ATXN10: variants seen among roughly 807,000 people sequenced by gnomAD.
The protein encoded by ATXN10 is ataxin 10.
In ATXN10, 28 loss-of-function variants were observed where a neutral mutation model predicts 52.9. The ratio of observed to expected loss-of-function variants is 0.53; its 90% CI spans 0.39 to 0.73. ATXN10 has a LOEUF of 0.73. Ranked by LOEUF, ATXN10 falls within the 30% of genes least tolerant of loss-of-function variation. ATXN10 has a pLI of 0.00. For missense variants in ATXN10, 565 were observed against 577.0 expected (o/e 0.98, Z 0.21); for synonymous variants, 226 against 221.5 (o/e 1.02, Z -0.18).
chr22:45,782,090 A>G (rs1290832219), intron 9 of ATXN10, among the ~76,000 whole-genome samples: 1 of 152,216 alleles, frequency 6.6e-6, no homozygotes, highest in African/African-American at 2.4e-5. Context: ...TTTCCTTGGT[A>G]TAGCTTTTGA....
rs957277745 is a variant in ATXN10 at position 45,700,223 on chromosome 22, C to T, written c.392-59C>T. 7 of 1,138,284 alleles carry T rather than the reference C, an allele frequency of 6.1e-6. No homozygotes were observed. In the African/African-American group the frequency reaches 9.3e-5, roughly 15 times the overall value. The allele number at this position is 1,138,284 out of a possible 1,614,324, so 70.5% of individuals were successfully genotyped here. ...AACATGGAGAATATTTCTTAAGATGCATTTATTTATTGTGTTTAATCATTT... is the reference window on the plus strand; with the variant it reads ...AACATGGAGAATATTTCTTAAGATGTATTTATTTATTGTGTTTAATCATTT... On this transcript the variant is annotated intron_variant, in intron 3 of 11. Coordinates refer to ENST00000252934, the MANE Select transcript of ATXN10 (RefSeq NM_013236.4).
rs1374743675 is a variant in ATXN10, at chr22:45,769,818, G to A, written c.1173+29280G>A. On this transcript the variant is annotated intron_variant, in intron 9 of 11. Transcript: ENST00000252934. The surrounding 1 kb of genome is among the most constrained non-coding windows in gnomAD (Gnocchi z 4.2). ...ATGAATTTACTCTGTATGCAGTAGA[G>A]TGTGATCTGAACAAAAACTCTTAAG... Among the ~76,000 whole-genome samples the A allele has an allele frequency of 1.3e-5, 2 of 152,176 alleles. No individual in the cohort carries two copies. Among genetic ancestry groups the A allele is most frequent in the Non-Finnish European group, 2.9e-5 (2 of 68,040 alleles).
At chr22:45,799,956 G>A (rs1270809066) in intron 9 of ATXN10, among the ~76,000 whole-genome samples, 1 of 152,076 alleles carries the variant, frequency 6.6e-6, no homozygotes, top group African/African-American at 2.4e-5. Flanking sequence ...TCCTTATGGA[G>A]TAAAAAAGAA....
At chr22:45,691,303 C>T (rs12484806) in intron 2 of ATXN10, among the ~76,000 whole-genome samples, 4 of 152,274 alleles carry the variant, frequency 2.6e-5, no homozygotes, top group African/African-American at 9.6e-5. Flanking sequence ...GGCAGATACA[C>T]CTTTGTGCTT....
At position 45,770,549 on chromosome 22, in the gene ATXN10, T is replaced by G. The variant is rs1926741666; in HGVS notation, c.1173+30011T>G. Among the ~76,000 whole-genome samples the G allele has an allele frequency of 6.6e-6, 1 of 152,012 alleles. No individual in the cohort carries two copies. On this transcript the variant is annotated intron_variant, in intron 9 of 11. Coordinates refer to ENST00000252934, the MANE Select transcript of ATXN10 (RefSeq NM_013236.4). This position sits in a 1 kb window ranked among gnomAD's most constrained non-coding sequence, Gnocchi z 4.5. ...TTAACATTGCAGAGGGGGCTCTGAA[T>G]GAGCTGGATGATAGGCAGACCTGGA...
intron 10 of ATXN10, among the ~76,000 whole-genome samples, chr22:45,821,410 A>T (rs548295570): frequency 2.6e-5 from 4 of 151,890 alleles, no homozygotes; most frequent in African/African-American, 7.2e-5. Flanking sequence ...AGGAAGCACC[A>T]GGAAATCCTA....
chr22:45,769,821 T>C lies in ATXN10; in HGVS notation c.1173+29283T>C, dbSNP rs1926714395. ...AATTTACTCTGTATGCAGTAGAGTG[T>C]GATCTGAACAAAAACTCTTAAGAGT... is the stretch of plus-strand genomic sequence containing the variant. On this transcript the variant is annotated intron_variant, in intron 9 of 11. Coordinates refer to ENST00000252934, the MANE Select transcript of ATXN10 (RefSeq NM_013236.4). The surrounding 1 kb of genome is among the most constrained non-coding windows in gnomAD (Gnocchi z 4.2). 6.6e-6 allele frequency among the ~76,000 whole-genome samples: 1 copy of C among 152,194 alleles called. No individual in the cohort carries two copies. Among genetic ancestry groups the C allele is most frequent in the Non-Finnish European group, 1.5e-5 (1 of 68,042 alleles).
intron 9 of ATXN10, among the ~76,000 whole-genome samples, chr22:45,743,436 C>G (rs991166477): frequency 6.6e-6 from 1 of 152,118 alleles, no homozygotes; most frequent in Non-Finnish European, 1.5e-5. Context: ...TCATTGTTGC[C>G]TCAAGGGATG....
At chr22:45,689,130 G>T (rs1018144893) in intron 1 of ATXN10, among the ~76,000 whole-genome samples, 1 of 152,212 alleles carries the variant, frequency 6.6e-6, no homozygotes, top group African/African-American at 2.4e-5. Context: ...TTTGGTGTGT[G>T]TGTTGTCAGC....
chr22:45,820,972 A>C lies in ATXN10; in HGVS notation c.1237+13950A>C, dbSNP rs966429475. On this transcript the variant is annotated intron_variant, in intron 10 of 11. Transcript: ENST00000252934. This position sits in a 1 kb window ranked among gnomAD's most constrained non-coding sequence, Gnocchi z 4.9. ...CCTTGCCTTTAAGATTTTTCACCTG[A>C]ATATGACGAGACTTAACTTTTACAA... 6.6e-6 allele frequency among the ~76,000 whole-genome samples: 1 copy of C among 152,200 alleles called. No homozygotes were observed. The highest frequency in any genetic ancestry group is 1.5e-5 in the Non-Finnish European group (1 of 68,042).
Position 45,733,592 on chromosome 22 carries a change from C to T in ATXN10, c.894+4002C>T, listed in dbSNP as rs1445314780. 1.3e-5 allele frequency among the ~76,000 whole-genome samples: 2 copies of T among 151,940 alleles called. No individual in the cohort carries two copies. The highest frequency in any genetic ancestry group is 2.4e-5 in the African/African-American group (1 of 41,362). On this transcript the variant is annotated intron_variant, in intron 7 of 11. Coordinates refer to ENST00000252934, the MANE Select transcript of ATXN10 (RefSeq NM_013236.4). This position sits in a 1 kb window ranked among gnomAD's most constrained non-coding sequence, Gnocchi z 4.4. ...CTCTACTAAAAATACAAAAATTAGCCGGGTGTGGTGGCGGATGCCTGTAAT... is the reference window on the plus strand; with the variant it reads ...CTCTACTAAAAATACAAAAATTAGCTGGGTGTGGTGGCGGATGCCTGTAAT...
At chr22:45,785,386 G>A (rs1601644356) in intron 9 of ATXN10, among the ~76,000 whole-genome samples, 1 of 152,212 alleles carries the variant, frequency 6.6e-6, no homozygotes. Context: ...AGAAATGACA[G>A]TAATGGAAAA....
At chr22:45,707,184 G>C (rs1053054880) in intron 5 of ATXN10, among the ~76,000 whole-genome samples, 1 of 151,962 alleles carries the variant, frequency 6.6e-6, no homozygotes, top group Non-Finnish European at 1.5e-5. Flanking sequence ...TTTGCACATA[G>C]TAGTCAGTGT....
intron 1 of ATXN10, chr22:45,675,101 T>G (rs991740262): frequency 2.6e-5 from 4 of 152,234 alleles, no homozygotes; most frequent in African/African-American, 9.6e-5. Flanking sequence ...TAAATGCCAT[T>G]TATTTAGGAC....
chr22:45,700,850 A>T (rs905338063), intron 4 of ATXN10, among the ~76,000 whole-genome samples: 1 of 152,106 alleles, frequency 6.6e-6, no homozygotes, highest in Non-Finnish European at 1.5e-5. Flanking sequence ...GATAAGAAGA[A>T]GATGTGGATA....
At chr22:45,771,928 T>A (rs754846542) in intron 9 of ATXN10, among the ~76,000 whole-genome samples, 7 of 152,174 alleles carry the variant, frequency 4.6e-5, no homozygotes, top group Non-Finnish European at 1.0e-4. Context: ...CCAGCTGGAT[T>A]GTTTTGTTAT....
At chr22:45,745,652 T>C (rs2146808960) in intron 9 of ATXN10, among the ~76,000 whole-genome samples, 1 of 152,380 alleles carries the variant, frequency 6.6e-6, no homozygotes, top group East Asian at 1.9e-4. Context: ...CATAAAATAA[T>C]CTTTGTAATA....
intron 1 of ATXN10, chr22:45,679,458 A>G (rs911818746): frequency 2.0e-5 from 3 of 152,250 alleles, no homozygotes; most frequent in Non-Finnish European, 2.9e-5. Context: ...AAGAAAGTGA[A>G]TAGATTAAGC....
chr22:45,748,451 A>G (rs1030479098), intron 9 of ATXN10, among the ~76,000 whole-genome samples: 63 of 152,214 alleles, frequency 4.1e-4, no homozygotes, highest in Admixed American at 2.4e-3. Context: ...GAAAACAAAT[A>G]TGAGAACTTT....
Sources: gnomAD v4.1 joint callset for allele counts (sites outside exome capture counted in the v4.1 genomes callset) on GRCh38, gnomAD v4.1.1 for gene constraint, Gnocchi (gnomAD v3.1) non-coding constraint, MANE v1.5 for transcripts, NCBI Gene and HGNC (gene_info 2026-07-23, HGNC 2026-07-21) for gene names.